The following APBA2 variants were observed in gnomAD, a reference collection of about 807,000 sequenced individuals.
The protein encoded by APBA2 is amyloid beta precursor protein binding family A member 2, also known as amyloid-beta A4 precursor protein-binding family A member 2.
Under a neutral mutation model 75.0 loss-of-function variants are expected in APBA2, and 30 were observed. The ratio of observed to expected loss-of-function variants is 0.40; its 90% CI spans 0.30 to 0.54. APBA2 has a LOEUF of 0.54. APBA2 is among the 20% of genes least tolerant of loss of function. The pLI is 0.49. For missense variants in APBA2, 801 were observed against 1,016.1 expected, an observed-to-expected ratio of 0.79 and a Z score of 2.88; for synonymous variants, 444 against 409.6, an observed-to-expected ratio of 1.08 and a Z score of -1.01.
intron 2 of APBA2, among the ~76,000 whole-genome samples, chr15:28,969,519 T>G (rs901101638): frequency 6.6e-6 from 1 of 152,186 alleles, no homozygotes; most frequent in Non-Finnish European, 1.5e-5. Context: ...TAACCTGGAA[T>G]TCTGTGTGGG....
chr15:29,028,751 A>G (rs375604224), intron 3 of APBA2, among the ~76,000 whole-genome samples: 6 of 152,204 alleles, frequency 3.9e-5, no homozygotes, highest in East Asian at 1.9e-4. Flanking sequence ...CATTTCTCTA[A>G]TGATCAGTGA....
intron 1 of APBA2, among the ~76,000 whole-genome samples, chr15:28,892,341 C>T (rs1195279958): frequency 6.6e-6 from 1 of 152,220 alleles, no homozygotes; most frequent in African/African-American, 2.4e-5. Context: ...TCCCAAGGTG[C>T]TGGGATTACA....
chr15:29,092,967 T>A, intron 6 of APBA2, 108 bp from the exon 7 acceptor site: 2 of 1,446,996 alleles, frequency 1.4e-6, no homozygotes, highest in East Asian at 4.5e-5. Context: ...CCTTCTAGTT[T>A]GCCCCGCATC....
chr15:29,066,533 G>A (rs12591838), intron 4 of APBA2, among the ~76,000 whole-genome samples: 28,063 of 151,998 alleles, frequency 0.18, 2,812 homozygotes, highest in African/African-American at 0.26. Context: ...GTAGAGTGGC[G>A]GTGGTCAGGG....
In APBA2 at chr15:29,075,124, G is replaced by A; in HGVS notation, c.1032+123G>A. ...CTCATCCCACCCGGTGCCTGGGGGA[G>A]AGGGAGTCCAGGTCAGGCCAAGTTG... On this transcript the variant is annotated intron_variant, in intron 5 of 14. Coordinates refer to ENST00000683413, the MANE Select transcript of APBA2 (RefSeq NM_001353788.2). The A allele has an allele frequency of 6.1e-6, 5 of 819,410 alleles. No individual in the cohort carries two copies. The Middle Eastern group carries it at 1.2e-3, about 189-fold the overall frequency. 50.8% of individuals were successfully genotyped at this position (819,410 alleles called of 1,614,324 possible). A position where few individuals can be genotyped will look rare whatever the true frequency, so the allele number is the denominator to read the frequency against.
At chr15:29,012,144 G>C (rs1002464310) in intron 3 of APBA2, among the ~76,000 whole-genome samples, 4 of 152,114 alleles carry the variant, frequency 2.6e-5, no homozygotes, top group Non-Finnish European at 5.9e-5. Context: ...ATTAACTGAA[G>C]TCCATACTTC....
rs148510233 is a variant in APBA2, at chr15:28,932,080, C to T, written c.-95+10331C>T. ...CCACACAGGCCACAGTTGCCTAGAC[C>T]GACCTGGTGTCAGGATCACTGTCTC... On this transcript the variant is annotated intron_variant, in intron 2 of 14. Transcript: ENST00000683413. Among the ~76,000 whole-genome samples the T allele has an allele frequency of 5.3e-5, 8 of 152,288 alleles. No homozygotes were observed. The East Asian group carries it at 7.7e-4, about 15-fold the overall frequency.
intron 1 of APBA2, among the ~76,000 whole-genome samples, chr15:28,907,491 A>G (rs1200927396): frequency 6.6e-6 from 1 of 152,082 alleles, no homozygotes; most frequent in Admixed American, 6.5e-5. Flanking sequence ...TCATCCTTTC[A>G]GCAGGAGCCA....
intron 2 of APBA2, among the ~76,000 whole-genome samples, chr15:28,928,192 C>G (rs895212663): frequency 1.3e-5 from 2 of 151,048 alleles, no homozygotes; most frequent in African/African-American, 4.9e-5. Flanking sequence ...TTCTAGCATG[C>G]CTTGTAAGTT....
intron 3 of APBA2, among the ~76,000 whole-genome samples, chr15:29,028,155 G>A (rs1029360086): frequency 1.4e-5 from 2 of 147,520 alleles, no homozygotes; most frequent in Non-Finnish European, 1.5e-5. Flanking sequence ...TCCCTCCCCC[G>A]ATCCCACCCC....
intron 2 of APBA2, among the ~76,000 whole-genome samples, chr15:28,930,148 C>T (rs534245927): frequency 1.4e-4 from 22 of 152,304 alleles, no homozygotes; most frequent in African/African-American, 3.8e-4. Flanking sequence ...CTCCAGCCCC[C>T]GCCAGTATAG....
At position 28,943,471 on chromosome 15, in the gene APBA2, A is replaced by G. The variant is rs145485093; in HGVS notation, c.-95+21722A>G. Reference sequence around the variant, plus strand: ...GCATTGGCCTGCACTGTCCTATGAAATGCTACCACAAGCCCTTTCTGGCAA... The same window carrying G: ...GCATTGGCCTGCACTGTCCTATGAAGTGCTACCACAAGCCCTTTCTGGCAA... On this transcript the variant is annotated intron_variant, in intron 2 of 14. Transcript: ENST00000683413. Among the ~76,000 whole-genome samples the G allele has an allele frequency of 1.8e-3, 281 of 152,336 alleles. 1 individual carries two copies. Among genetic ancestry groups the G allele is most frequent in the African/African-American group, 6.7e-3 (277 of 41,590 alleles).
In APBA2 at chr15:29,106,678, G is replaced by A; in HGVS notation, c.1776G>A (p.Leu592=). ...VVVESGWGSI[L]PTVILANMMN... is the part of the protein sequence containing the mutation. ...TGGAGTCGGGCTGGGGCTCCATCCT[G>A]CCCACGGTGATCCTGGCCAACATGA... The change falls in exon 12 of 15, where the codon CTG becomes CTA. Residue 592 remains leucine (L), a synonymous_variant. Coordinates refer to ENST00000683413, the MANE Select transcript of APBA2 (RefSeq NM_001353788.2). The A allele has an allele frequency of 6.2e-7, 1 of 1,613,026 alleles. No homozygotes were observed. Among genetic ancestry groups the A allele is most frequent in the South Asian group, 1.1e-5 (1 of 91,078 alleles).
In APBA2 at chr15:28,991,421, CGG is replaced by C. The variant is rs1566881322; in HGVS notation, c.-94-4331_-94-4330del. 1.7e-5 allele frequency among the ~76,000 whole-genome samples: 2 copies of C among 120,658 alleles called. No individual in the cohort carries two copies. Among genetic ancestry groups the C allele is most frequent in the African/African-American group, 1.5e-4 (2 of 13,572 alleles). 79.2% of individuals were successfully genotyped at this position (120,658 alleles called of 152,430 possible). On this transcript the variant is annotated intron_variant, in intron 2 of 14. Coordinates refer to ENST00000683413, the MANE Select transcript of APBA2 (RefSeq NM_001353788.2). This position sits in a 1 kb window ranked among gnomAD's most constrained non-coding sequence, Gnocchi z 4.7. ...CGGGCCGCAGGAGGCGTCCTTGTGCCGGAGCTCACCTTGTGCCGGAGCTCACC... is the reference window on the plus strand; with the variant it reads ...CGGGCCGCAGGAGGCGTCCTTGTGCCAGCTCACCTTGTGCCGGAGCTCACC...
intron 2 of APBA2, among the ~76,000 whole-genome samples, chr15:28,969,653 C>T (rs1464467426): frequency 6.6e-6 from 1 of 152,178 alleles, no homozygotes; most frequent in Non-Finnish European, 1.5e-5. Flanking sequence ...GCAGAAAGGG[C>T]TTTGGCAAGG....
chr15:28,950,151 G>A (rs1030159658), intron 2 of APBA2, among the ~76,000 whole-genome samples: 4 of 152,066 alleles, frequency 2.6e-5, no homozygotes, highest in Non-Finnish European at 5.9e-5. Flanking sequence ...CTTCGATTTG[G>A]GTTTATCTGC....
chr15:28,948,351 T>C (rs1191956033), intron 2 of APBA2, among the ~76,000 whole-genome samples: 2 of 151,700 alleles, frequency 1.3e-5, no homozygotes, highest in Non-Finnish European at 2.9e-5. Flanking sequence ...CTTCTTCCCT[T>C]TGGCCACTGG....
chr15:29,071,235 A>G (rs1227398790), intron 4 of APBA2: 1 of 366,330 alleles, frequency 2.7e-6, no homozygotes, highest in Non-Finnish European at 5.4e-6. Context: ...ACCTGGAGCC[A>G]AGGTGTTTAT....
intron 2 of APBA2, among the ~76,000 whole-genome samples, chr15:28,957,719 C>T (rs566403155): frequency 3.3e-4 from 50 of 152,248 alleles, no homozygotes; most frequent in Non-Finnish European, 6.0e-4. Context: ...TGGGGAGGCG[C>T]GTGCCGAGGG....
Sources: allele counts gnomAD v4.1 joint callset (sites outside exome capture counted in the v4.1 genomes callset), GRCh38; gene constraint gnomAD v4.1.1; non-coding constraint Gnocchi (gnomAD v3.1); transcripts MANE v1.5; gene names NCBI Gene and HGNC (gene_info 2026-07-23, HGNC 2026-07-21).